BICD1: variants seen among roughly 807,000 people sequenced by gnomAD.
BICD1 encodes protein bicaudal D homolog 1.
A neutral mutation model predicts 92.5 loss-of-function variants in BICD1; 35 were observed. The ratio of observed to expected loss-of-function variants is 0.38; its 90% CI spans 0.29 to 0.50. The LOEUF is 0.50. Among genes scored for constraint, BICD1 ranks in the 20% least tolerant of loss-of-function variants. The pLI is 0.93. For synonymous variants in BICD1, 429 were observed against 465.1 expected, an observed-to-expected ratio of 0.92 and a Z score of 1.00; for missense variants, 950 against 1,189.8, an observed-to-expected ratio of 0.80 and a Z score of 2.97.
intron 8 of BICD1, among the ~76,000 whole-genome samples, chr12:32,364,620 G>A (rs138787161): frequency 1.8e-4 from 27 of 152,236 alleles, no homozygotes; most frequent in African/African-American, 4.1e-4. Flanking sequence ...AGGATAACAC[G>A]TAGCTAAGTG....
intron 2 of BICD1, among the ~76,000 whole-genome samples, chr12:32,279,855 T>C (rs1012617180): frequency 1.3e-5 from 2 of 152,178 alleles, no homozygotes; most frequent in African/African-American, 4.8e-5. Flanking sequence ...ATCCCAGCAC[T>C]TTGGGAGGCT....
intron 8 of BICD1, chr12:32,339,345 T>G (rs1173628114): frequency 1.0e-6 from 1 of 997,922 alleles, no homozygotes; most frequent in Non-Finnish European, 1.2e-6. Context: ...TCGTTTTTAA[T>G]GTAATTTCCG....
At chr12:32,132,273 G>A (rs1374893832) in intron 1 of BICD1, among the ~76,000 whole-genome samples, 2 of 151,982 alleles carry the variant, frequency 1.3e-5, no homozygotes, top group Non-Finnish European at 2.9e-5. Flanking sequence ...AAAATTAGCT[G>A]GGTGTGGTGG....
At chr12:32,263,144 CAAAA>C (rs1187655345) in intron 2 of BICD1, among the ~76,000 whole-genome samples, 1 of 150,220 alleles carries the variant, frequency 6.7e-6, no homozygotes, top group East Asian at 2.0e-4. Context: ...CAAAATCAAA[CAAAA>C]AAGCCACTAA....
At chr12:32,355,688 G>C (rs139341302) in intron 8 of BICD1, among the ~76,000 whole-genome samples, 2 of 152,136 alleles carry the variant, frequency 1.3e-5, no homozygotes, top group African/African-American at 4.8e-5. Flanking sequence ...TGTAATCCCA[G>C]CTACTCGGGA....
chr12:32,235,399 C>T (rs540646252), intron 2 of BICD1, among the ~76,000 whole-genome samples: 1 of 152,132 alleles, frequency 6.6e-6, no homozygotes, highest in Non-Finnish European at 1.5e-5. Context: ...TTTTGTTGGT[C>T]GTGCGTTCCA....
intron 1 of BICD1, among the ~76,000 whole-genome samples, chr12:32,185,949 A>C (rs1475140155): frequency 6.6e-6 from 1 of 151,994 alleles, no homozygotes; most frequent in East Asian, 1.9e-4. Context: ...AAACACCGCC[A>C]GTTGATTATG....
chr12:32,194,007 C>G (rs997305953), intron 1 of BICD1, among the ~76,000 whole-genome samples: 1 of 152,086 alleles, frequency 6.6e-6, no homozygotes, highest in African/African-American at 2.4e-5. Flanking sequence ...ACACCATAAT[C>G]AATGAAATGT....
intron 2 of BICD1, among the ~76,000 whole-genome samples, chr12:32,219,554 T>A (rs1945454145): frequency 6.6e-6 from 1 of 152,202 alleles, no homozygotes; most frequent in Non-Finnish European, 1.5e-5. Context: ...AAAAATATCA[T>A]TGACGATATG....
chr12:32,352,984 G>T (rs1938953640), intron 8 of BICD1: 1 of 152,172 alleles, frequency 6.6e-6, no homozygotes, highest in Non-Finnish European at 1.5e-5. Flanking sequence ...TAGTTCTGAG[G>T]TCCTTTACTC....
At chr12:32,362,690 G>T (rs1565697418) in intron 8 of BICD1, among the ~76,000 whole-genome samples, 1 of 152,130 alleles carries the variant, frequency 6.6e-6, no homozygotes. Flanking sequence ...TAGAAAAGAG[G>T]CCTTAGCATT....
chr12:32,312,465 G>A (rs1418012187), intron 4 of BICD1, among the ~76,000 whole-genome samples: 1 of 152,068 alleles, frequency 6.6e-6, no homozygotes, highest in African/African-American at 2.4e-5. Flanking sequence ...TTATTGTCCT[G>A]GAAACTGCCA....
At position 32,382,495 on chromosome 12, in the gene BICD1, T is replaced by C. The variant is rs1222352029; in HGVS notation, c.*4868T>C. 1 of 152,104 alleles carries C rather than the reference T, an allele frequency of 6.6e-6. No homozygotes were observed. The highest frequency in any genetic ancestry group is 1.5e-5 in the Non-Finnish European group (1 of 67,946). 9.4% of individuals were successfully genotyped at this position (152,104 alleles called of 1,614,324 possible). On this transcript the variant is annotated 3_prime_UTR_variant, in exon 10 of 10. Coordinates refer to ENST00000652176, the MANE Select transcript of BICD1 (RefSeq NM_001714.4). The stretch of plus-strand genomic sequence containing the variant: ...CATTAGGAAAGTAAGGAGATTGTTA[T>C]CTATATCTAGTCTCCTTTCCATATT...
intron 1 of BICD1, among the ~76,000 whole-genome samples, chr12:32,176,041 TG>T (rs1343874165): frequency 6.6e-6 from 1 of 152,260 alleles, no homozygotes; most frequent in Non-Finnish European, 1.5e-5. Flanking sequence ...GGTTCATCTA[TG>T]TTGTCGCCTG....
At chr12:32,180,100 C>G (rs1286489350) in intron 1 of BICD1, among the ~76,000 whole-genome samples, 1 of 151,610 alleles carries the variant, frequency 6.6e-6, no homozygotes, top group Admixed American at 6.6e-5. Flanking sequence ...TGAGCTCAGA[C>G]TTGAATTTCT....
At chr12:32,357,042 G>A (rs1482851514) in intron 8 of BICD1, among the ~76,000 whole-genome samples, 2 of 118,860 alleles carry the variant, frequency 1.7e-5, no homozygotes, top group African/African-American at 3.1e-5. Context: ...ATGGAGTTTC[G>A]CTCTTGTTGC....
chr12:32,168,795 C>G (rs1194272338), intron 1 of BICD1, among the ~76,000 whole-genome samples: 1 of 152,058 alleles, frequency 6.6e-6, no homozygotes, highest in Non-Finnish European at 1.5e-5. Flanking sequence ...CATGGTGAAA[C>G]CCTGATAATA....
rs749820969 is a variant in BICD1, at chr12:32,107,472, C to T, written c.141C>T (p.Thr47=). Residue 47 remains threonine, a synonymous_variant, in exon 1 of 10, where the codon ACC becomes ACT. Coordinates refer to ENST00000652176, the MANE Select transcript of BICD1 (RefSeq NM_001714.4). ...YGLVVLEEKL[T]LKQQYDELEA... ...TGGTGGTGCTGGAGGAGAAGCTGAC[C>T]CTCAAACAGCAGTATGATGAACTGG... 6.2e-7 allele frequency: 1 copy of T among 1,610,238 alleles called. No individual in the cohort carries two copies. The highest frequency in any genetic ancestry group is 1.1e-5 in the South Asian group (1 of 89,912).
intron 8 of BICD1, among the ~76,000 whole-genome samples, chr12:32,358,256 A>G (rs1169842498): frequency 6.6e-6 from 1 of 151,788 alleles, no homozygotes; most frequent in Non-Finnish European, 1.5e-5. Context: ...ACGCCCTACC[A>G]TGCCCAGCTA....
Sources: gnomAD v4.1 joint callset for allele counts (sites outside exome capture counted in the v4.1 genomes callset) on GRCh38, gnomAD v4.1.1 for gene constraint, MANE v1.5 for transcripts, NCBI Gene and HGNC (gene_info 2026-07-23, HGNC 2026-07-21) for gene names.